Variants in RBM45 observed in about 807,000 individuals in gnomAD.
The protein encoded by RBM45 is RNA binding motif protein 45.
Under a neutral mutation model 58.5 loss-of-function variants are expected in RBM45, and 39 were observed. That is an observed-to-expected ratio of 0.67 (90% CI 0.52 to 0.87). RBM45 has a LOEUF of 0.87. Ranked by LOEUF, RBM45 falls within the 40% of genes least tolerant of loss-of-function variation. RBM45 has a pLI of 0.00. For synonymous variants in RBM45, 193 were observed against 203.0 expected, an observed-to-expected ratio of 0.95 and a Z score of 0.42; for missense variants, 481 against 581.6, an observed-to-expected ratio of 0.83 and a Z score of 1.78.
At chr2:178,115,031 C>T (rs113289574) in intron 1 of RBM45, among the ~76,000 whole-genome samples, 1 of 152,136 alleles carries the variant, frequency 6.6e-6, no homozygotes, top group Non-Finnish European at 1.5e-5. Context: ...ATCTGTAAGA[C>T]AACAATATTA....
chr2:178,118,396 A>G (rs1315192360), intron 3 of RBM45, among the ~76,000 whole-genome samples: 1 of 152,166 alleles, frequency 6.6e-6, no homozygotes, highest in African/African-American at 2.4e-5. Context: ...GAGCAACTAC[A>G]TTAACTTAGT....
chr2:178,126,094 A>G lies in RBM45; in HGVS notation c.1343A>G (p.Lys448Arg). The G allele has an allele frequency of 6.2e-7, 1 of 1,614,032 alleles. No individual in the cohort carries two copies. The highest frequency in any genetic ancestry group is 8.5e-7 in the Non-Finnish European group (1 of 1,179,900). The change falls in exon 9 of 10, where the codon AAG becomes AGG. Residue 448 changes from lysine to arginine, a missense_variant. By Grantham distance (26) the Lys-to-Arg change is conservative (BLOSUM62 2). Coordinates refer to ENST00000286070, the MANE Select transcript of RBM45 (RefSeq NM_152945.4). ...GATGCCATTGCCACTCTACATGGAA[A>G]GATTCTGAATGGGGTGAGACTTAAA... Reference protein sequence around the residue: ...ANDAIATLHGKILNGVRLKVM... With the variant: ...ANDAIATLHGRILNGVRLKVM...
chr2:178,134,932 C>A (rs1023204915), intron 3 of RBM45, among the ~76,000 whole-genome samples: 1 of 152,134 alleles, frequency 6.6e-6, no homozygotes, highest in Non-Finnish European at 1.5e-5. Context: ...ATGAAGGAGG[C>A]TGACGCGGAG....
Position 178,129,612 on chromosome 2 carries a change from T to C in RBM45, c.*224T>C, listed in dbSNP as rs2087983431. The C allele has an allele frequency of 1.3e-5, 2 of 152,676 alleles. No homozygotes were observed. The highest frequency in any genetic ancestry group is 1.5e-5 in the Non-Finnish European group (1 of 68,036). 9.5% of individuals were successfully genotyped at this position (152,676 alleles called of 1,614,324 possible). A position where few individuals can be genotyped will look rare whatever the true frequency, so the allele number is the denominator to read the frequency against. ...ATAGTAGTTGTTCCTTAGAGCAATA[T>C]GTTGTTACGTGTAGCAGAAATAAAG... On this transcript the variant is annotated 3_prime_UTR_variant, in exon 10 of 10. Coordinates refer to ENST00000286070, the MANE Select transcript of RBM45 (RefSeq NM_152945.4).
chr2:178,120,439 A>C (rs753048272), intron 4 of RBM45, 30 bp downstream of exon 4: 1 of 1,582,292 alleles, frequency 6.3e-7, no homozygotes, highest in South Asian at 1.2e-5. Flanking sequence ...TTTTAATAGT[A>C]TAATGTAGTA....
chr2:178,113,913 CAG>C (rs2087736485), intron 1 of RBM45, among the ~76,000 whole-genome samples: 1 of 152,150 alleles, frequency 6.6e-6, no homozygotes, highest in Admixed American at 6.5e-5. Context: ...ATAAAGGGCT[CAG>C]AGATATTTCA....
chr2:178,125,600 C>A, intron 8 of RBM45: 1 of 416,370 alleles, frequency 2.4e-6, no homozygotes, highest in Non-Finnish European at 4.8e-6. Context: ...GTCAGAACGG[C>A]TCTAGAGCTA....
At chr2:178,126,876 C>A (rs1419780361) in intron 9 of RBM45, among the ~76,000 whole-genome samples, 4 of 152,078 alleles carry the variant, frequency 2.6e-5, no homozygotes, top group South Asian at 4.1e-4. Context: ...AATCAAACTA[C>A]AATTTATTTG....
Position 178,116,822 on chromosome 2 carries a change from G to C in RBM45, c.423+438G>C, listed in dbSNP as rs548149977. On this transcript the variant is annotated intron_variant, in intron 2 of 9. Transcript: ENST00000286070. ...ATGTAGAGGCGAATCAGGCAGACCT[G>C]AGTGTGTGAACTGTATTATCTAGTA... is the stretch of plus-strand genomic sequence containing the variant. Among the ~76,000 whole-genome samples the C allele has an allele frequency of 2.0e-5, 3 of 152,148 alleles. No homozygotes were observed. In the South Asian group the frequency reaches 6.2e-4, roughly 32 times the overall value.
chr2:178,115,078 AAAAGTTATTC>A (rs2087754540), intron 1 of RBM45, among the ~76,000 whole-genome samples: 1 of 152,280 alleles, frequency 6.6e-6, no homozygotes, highest in South Asian at 2.1e-4. Flanking sequence ...TTGTCCAAGT[AAAAGTTATTC>A]TGTGACCAAC....
chr2:178,130,619 G>T (rs2087996069), downstream of RBM45, among the ~76,000 whole-genome samples: 1 of 152,114 alleles, frequency 6.6e-6, no homozygotes, highest in Non-Finnish European at 1.5e-5. Context: ...CTATGACATT[G>T]AATTGATATG....
At chr2:178,115,383 T>C (rs1379799987) in intron 1 of RBM45, among the ~76,000 whole-genome samples, 1 of 152,182 alleles carries the variant, frequency 6.6e-6, no homozygotes, top group Non-Finnish European at 1.5e-5. Flanking sequence ...TTTTTTTCTC[T>C]AGTGTCTTTG....
At chr2:178,115,189 A>G (rs922901942) in intron 1 of RBM45, among the ~76,000 whole-genome samples, 1 of 152,210 alleles carries the variant, frequency 6.6e-6, no homozygotes, top group Non-Finnish European at 1.5e-5. Context: ...TCTAGAGCCT[A>G]TGAACACTCA....
chr2:178,132,572 C>T (rs2088013591), downstream of RBM45, among the ~76,000 whole-genome samples: 3 of 150,672 alleles, frequency 2.0e-5, no homozygotes, highest in Admixed American at 1.3e-4. Flanking sequence ...CCTAAAACTG[C>T]GGTTCTTTTT....
At chr2:178,120,774 A>C (rs1407338468) in intron 4 of RBM45, among the ~76,000 whole-genome samples, 1 of 152,184 alleles carries the variant, frequency 6.6e-6, no homozygotes, top group Non-Finnish European at 1.5e-5. Context: ...TTCCAGAACT[A>C]CTGCTACTTT....
Position 178,112,456 on chromosome 2 carries a change from G to A in RBM45, c.-91G>A, listed in dbSNP as rs1353078219. 4 of 1,268,616 alleles carry A rather than the reference G, an allele frequency of 3.2e-6. No individual in the cohort carries two copies. In the African/African-American group the frequency reaches 4.5e-5, roughly 14 times the overall value. 78.6% of individuals were successfully genotyped at this position (1,268,616 alleles called of 1,614,324 possible). ...CTCTTTCTCCCGGAAGCGGAGCACC[G>A]AGCCGGCAAAGGCTTGGGTGTGAGA... is the stretch of plus-strand genomic sequence containing the variant. On this transcript the variant is annotated 5_prime_UTR_variant, in exon 1 of 10. Coordinates refer to ENST00000286070, the MANE Select transcript of RBM45 (RefSeq NM_152945.4).
Position 178,126,012 on chromosome 2 carries a change from C to A in RBM45, c.1261C>A (p.Leu421Ile). 1 of 1,613,252 alleles carries A rather than the reference C, an allele frequency of 6.2e-7. No homozygotes were observed. Among genetic ancestry groups the A allele is most frequent in the Non-Finnish European group, 8.5e-7 (1 of 1,179,712 alleles). ...TTTTGGTAACCTGATCGAAGTTTAC[C>A]TTGTGTCAGGAAAAAATGTGGGGTA... ...CRFGNLIEVY[L>I]VSGKNVGYAK... The change falls in exon 9 of 10, where the codon CTT becomes ATT. Residue 421 changes from leucine to isoleucine, a missense_variant. Transcript: ENST00000286070.
chr2:178,116,972 A>G (rs2087785069), intron 2 of RBM45, among the ~76,000 whole-genome samples: 1 of 152,206 alleles, frequency 6.6e-6, no homozygotes, highest in South Asian at 2.1e-4. Flanking sequence ...ACGTAAATAT[A>G]GCTCTGACCT....
At chr2:178,138,249 C>A (rs1364716479) in exon 4 of RBM45, 1 of 152,036 alleles carries the variant, frequency 6.6e-6, no homozygotes, top group Non-Finnish European at 1.5e-5. Context: ...TAAAAGCTTT[C>A]TTTTAAAGGA....
Sources: allele counts gnomAD v4.1 joint callset (sites outside exome capture counted in the v4.1 genomes callset), GRCh38; gene constraint gnomAD v4.1.1; transcripts MANE v1.5; gene names NCBI Gene and HGNC (gene_info 2026-07-23, HGNC 2026-07-21).